Variants in CPNE8 observed in about 807,000 individuals in gnomAD.
CPNE8 encodes the protein copine-8.
CPNE8 carries 45 observed loss-of-function variants against 81.5 expected under a neutral mutation model. The observed-to-expected ratio is 0.55, with a 90% CI of 0.44 to 0.71. The LOEUF is 0.71. CPNE8 is among the 30% of genes least tolerant of loss of function. CPNE8 has a pLI of 0.00. For missense variants in CPNE8, 594 were observed against 672.1 expected (o/e 0.88, Z 1.28); for synonymous variants, 252 against 226.3 (o/e 1.11, Z -1.02).
At position 38,661,263 on chromosome 12, in the gene CPNE8, G is replaced by T. The variant is rs539192188; in HGVS notation, c.1507-7193C>A. Among the ~76,000 whole-genome samples the T allele has an allele frequency of 1.3e-3, 202 of 152,270 alleles. 4 individuals are homozygous for T. Among genetic ancestry groups the T allele is most frequent in the Middle Eastern group, 3.4e-3 (1 of 294 alleles). ...AAAAATGTGGCACACATATACCATG[G>T]AATACTATGCAACCATAAAAAAGGA... On this transcript the variant is annotated intron_variant, in intron 19 of 19. Coordinates refer to ENST00000331366, the MANE Select transcript of CPNE8 (RefSeq NM_153634.3).
At chr12:38,676,071 G>A (rs933674943) in intron 17 of CPNE8, 28 of 192,324 alleles carry the variant, frequency 1.5e-4, no homozygotes, top group Non-Finnish European at 2.3e-4. Flanking sequence ...AGCTATGATC[G>A]TGCCACTGCA....
At chr12:38,832,082 T>C (rs919682052) in intron 5 of CPNE8, among the ~76,000 whole-genome samples, 8 of 152,172 alleles carry the variant, frequency 5.3e-5, no homozygotes, top group Admixed American at 2.0e-4. Flanking sequence ...CAAAAAGCTA[T>C]GACGTGAATC....
At chr12:38,861,449 A>C (rs887297738) in intron 3 of CPNE8, among the ~76,000 whole-genome samples, 1 of 152,174 alleles carries the variant, frequency 6.6e-6, no homozygotes. Context: ...ACTTTCAAAC[A>C]CAAAAACAAA....
At chr12:38,780,110 A>G (rs182612627) in intron 6 of CPNE8, among the ~76,000 whole-genome samples, 15 of 152,164 alleles carry the variant, frequency 9.9e-5, no homozygotes, top group Admixed American at 7.2e-4. Context: ...GTAAGGGTCC[A>G]ATTTAATTCT....
intron 15 of CPNE8, among the ~76,000 whole-genome samples, chr12:38,690,435 GTAA>G (rs1193652034): frequency 6.6e-6 from 1 of 152,070 alleles, no homozygotes; most frequent in Non-Finnish European, 1.5e-5. Flanking sequence ...TAATCATTCG[GTAA>G]TATTAAAGTT....
At chr12:38,699,623 A>C (rs1305430302) in intron 14 of CPNE8, among the ~76,000 whole-genome samples, 1 of 150,162 alleles carries the variant, frequency 6.7e-6, no homozygotes, top group Non-Finnish European at 1.5e-5. Flanking sequence ...GTGGCTGCAT[A>C]GTGTTTCATT....
At chr12:38,896,342 G>T (rs2137154393) in intron 1 of CPNE8, among the ~76,000 whole-genome samples, 1 of 152,202 alleles carries the variant, frequency 6.6e-6, no homozygotes, top group East Asian at 1.9e-4. Flanking sequence ...GTCCTGGCTG[G>T]AGAGGCACTA....
intron 19 of CPNE8, among the ~76,000 whole-genome samples, chr12:38,668,993 G>A (rs151305843): frequency 0.011 from 1,645 of 151,928 alleles, 21 homozygotes; most frequent in African/African-American, 0.037. Flanking sequence ...GACGGAGCTT[G>A]CAGTGAGCCG....
intron 6 of CPNE8, among the ~76,000 whole-genome samples, chr12:38,802,734 G>T (rs561893701): frequency 4.0e-5 from 6 of 150,650 alleles, no homozygotes; most frequent in African/African-American, 1.5e-4. Context: ...TTTTTGAAAG[G>T]ATCAACAAAA....
At chr12:38,669,081 C>A (rs150451979) in intron 19 of CPNE8, among the ~76,000 whole-genome samples, 2 of 151,740 alleles carry the variant, frequency 1.3e-5, no homozygotes, top group Non-Finnish European at 2.9e-5. Flanking sequence ...ATAACACACA[C>A]ACGCATAATG....
At chr12:38,771,112 A>G (rs1374598472) in intron 7 of CPNE8, among the ~76,000 whole-genome samples, 1 of 152,106 alleles carries the variant, frequency 6.6e-6, no homozygotes, top group African/African-American at 2.4e-5. Flanking sequence ...CAATCAATCA[A>G]TAAATAAAAA....
intron 16 of CPNE8, among the ~76,000 whole-genome samples, chr12:38,680,562 T>C (rs964299689): frequency 6.6e-6 from 1 of 152,022 alleles, no homozygotes; most frequent in Admixed American, 6.6e-5. Flanking sequence ...ATATAGTGAT[T>C]TGGAGTCAGA....
chr12:38,660,154 C>G (rs1938921220), intron 19 of CPNE8, among the ~76,000 whole-genome samples: 1 of 152,128 alleles, frequency 6.6e-6, no homozygotes, highest in South Asian at 2.1e-4. Flanking sequence ...ACCACATTGC[C>G]AAGACAATCC....
intron 4 of CPNE8, among the ~76,000 whole-genome samples, chr12:38,841,996 T>C (rs934115343): frequency 1.3e-5 from 2 of 151,748 alleles, no homozygotes; most frequent in African/African-American, 4.8e-5. Context: ...ATAAATGAAT[T>C]TATTTTCATA....
intron 6 of CPNE8, among the ~76,000 whole-genome samples, chr12:38,809,640 T>C (rs1374162700): frequency 1.3e-5 from 2 of 152,152 alleles, no homozygotes; most frequent in Non-Finnish European, 1.5e-5. Flanking sequence ...TCCTCCCATA[T>C]AAAAACACAT....
intron 15 of CPNE8, among the ~76,000 whole-genome samples, chr12:38,690,560 C>T (rs1939650735): frequency 6.6e-6 from 1 of 151,822 alleles, no homozygotes; most frequent in African/African-American, 2.4e-5. Context: ...GAATTGGGCT[C>T]AAAGAACAGA....
chr12:38,764,731 A>C (rs1266976842), intron 8 of CPNE8, among the ~76,000 whole-genome samples: 3 of 152,170 alleles, frequency 2.0e-5, no homozygotes, highest in Non-Finnish European at 4.4e-5. Flanking sequence ...TACATTCATA[A>C]AAATAAAATA....
chr12:38,691,587 T>A (rs1353977058), intron 15 of CPNE8, among the ~76,000 whole-genome samples: 2 of 151,932 alleles, frequency 1.3e-5, no homozygotes, highest in African/African-American at 4.8e-5. Flanking sequence ...ATTAACATAA[T>A]CATTCTTATT....
intron 1 of CPNE8, among the ~76,000 whole-genome samples, chr12:38,882,145 C>T (rs1403153465): frequency 1.3e-5 from 2 of 151,924 alleles, no homozygotes; most frequent in Non-Finnish European, 2.9e-5. Context: ...ACTATAAATC[C>T]TGAGATGAGT....
Sources: allele counts gnomAD v4.1 joint callset (sites outside exome capture counted in the v4.1 genomes callset), GRCh38; gene constraint gnomAD v4.1.1; transcripts MANE v1.5; gene names NCBI Gene and HGNC (gene_info 2026-07-23, HGNC 2026-07-21).